Variants in CABLES1 observed in about 807,000 individuals in gnomAD.
CABLES1 encodes the protein CDK5 and ABL1 enzyme substrate 1.
A neutral mutation model predicts 57.8 loss-of-function variants in CABLES1; 36 were observed. The ratio of observed to expected loss-of-function variants is 0.62; its 90% confidence interval spans 0.48 to 0.82. The LOEUF (loss-of-function observed/expected upper bound fraction) is 0.82. Ranked by LOEUF, CABLES1 falls within the 40% of genes least tolerant of loss-of-function variation. The pLI is 0.00. For synonymous variants in CABLES1, 374 were observed against 363.0 expected, an observed-to-expected ratio of 1.03 and a Z score of -0.35; for missense variants, 767 against 836.6, an observed-to-expected ratio of 0.92 and a Z score of 1.03.
Position 23,136,485 on chromosome 18 carries a change from C to T in CABLES1, c.723C>T (p.Asn241=). ...GGAGCGGCAGTCGGGGACGCCTCAA[C>T]TCGTTCACTCAGGGAATCCTGCCCA... ...GSGSGSRGRL[N]SFTQGILPIA... is the part of the protein sequence containing the mutation. Residue 241 remains asparagine (N), a synonymous_variant, in exon 1 of 10, where the codon AAC becomes AAT. Coordinates refer to ENST00000256925, the MANE Select transcript of CABLES1 (RefSeq NM_001100619.3). The T allele has an allele frequency of 6.2e-7, 1 of 1,603,084 alleles. No individual in the cohort carries two copies. Among genetic ancestry groups the T allele is most frequent in the Non-Finnish European group, 8.5e-7 (1 of 1,177,766 alleles).
chr18:23,158,696 G>A (rs1162259245), intron 1 of CABLES1, among the ~76,000 whole-genome samples: 2 of 152,128 alleles, frequency 1.3e-5, no homozygotes, highest in East Asian at 1.9e-4. Context: ...TGAGTAGACC[G>A]CTAAGCCAAT....
At chr18:23,216,484 A>G (rs1469771698) in intron 4 of CABLES1, among the ~76,000 whole-genome samples, 1 of 152,186 alleles carries the variant, frequency 6.6e-6, no homozygotes, top group Non-Finnish European at 1.5e-5. Context: ...GGTTTCCAGC[A>G]TGGCACGTGG....
chr18:23,166,600 C>T (rs1261473602), intron 1 of CABLES1, among the ~76,000 whole-genome samples: 3 of 152,134 alleles, frequency 2.0e-5, no homozygotes, highest in East Asian at 1.9e-4. Flanking sequence ...ATTCAAATTA[C>T]GCATAAACCT....
At chr18:23,201,862 T>TG (rs2047327493) in intron 3 of CABLES1, among the ~76,000 whole-genome samples, 2 of 152,032 alleles carry the variant, frequency 1.3e-5, no homozygotes, top group Non-Finnish European at 2.9e-5. Context: ...TCTGGGGCAA[T>TG]GGGGAGACCT....
chr18:23,215,627 T>C (rs1354520889), intron 4 of CABLES1, among the ~76,000 whole-genome samples: 5 of 152,198 alleles, frequency 3.3e-5, no homozygotes, highest in Non-Finnish European at 7.3e-5. Context: ...TATTGAGTGC[T>C]TGTCATGTGA....
chr18:23,243,012 A>T (rs2047774150), intron 7 of CABLES1, among the ~76,000 whole-genome samples: 1 of 150,906 alleles, frequency 6.6e-6, no homozygotes, highest in Non-Finnish European at 1.5e-5. Context: ...ATACAGTATA[A>T]ATATATATTT....
chr18:23,139,350 C>G (rs149581389), intron 1 of CABLES1, among the ~76,000 whole-genome samples: 2,968 of 142,508 alleles, frequency 0.021, 119 homozygotes, highest in African/African-American at 0.076. Flanking sequence ...TTGCAGTGAG[C>G]CAAGATTGTG....
chr18:23,166,262 G>A (rs2047041951), intron 1 of CABLES1, among the ~76,000 whole-genome samples: 1 of 151,566 alleles, frequency 6.6e-6, no homozygotes, highest in Non-Finnish European at 1.5e-5. Context: ...AGTGCAATGG[G>A]GCAATCTTGG....
intron 1 of CABLES1, among the ~76,000 whole-genome samples, chr18:23,179,242 C>T (rs1054964351): frequency 6.6e-6 from 1 of 152,046 alleles, no homozygotes; most frequent in Non-Finnish European, 1.5e-5. Context: ...GCCGAGATCG[C>T]GCCACTGCAC....
rs2047590651 is a variant in CABLES1, at chr18:23,234,690, G to A, written c.1171G>A (p.Gly391Ser). 2.5e-6 allele frequency: 4 copies of A among 1,613,520 alleles called. No homozygotes were observed. In the East Asian group the frequency reaches 8.9e-5, roughly 36 times the overall value. The change falls in exon 5 of 10, where the codon GGT becomes AGT. Residue 391 changes from glycine (G) to serine (S), a missense_variant. Coordinates refer to ENST00000256925, the MANE Select transcript of CABLES1 (RefSeq NM_001100619.3). ...EIIGLEGVEL[G>S]ADGKTVSYTQ... ...CATTGGTCTGGAAGGTGTGGAGCTG[G>A]GTGCTGATGGGAAGGTAAGGCTGCC...
At chr18:23,217,916 T>C (rs1486604637) in intron 4 of CABLES1, among the ~76,000 whole-genome samples, 1 of 152,246 alleles carries the variant, frequency 6.6e-6, no homozygotes, top group Non-Finnish European at 1.5e-5. Flanking sequence ...GCCCCACACC[T>C]GGCAGAGTCA....
At chr18:23,223,809 T>C (rs150135210) in intron 4 of CABLES1, among the ~76,000 whole-genome samples, 33 of 152,098 alleles carry the variant, frequency 2.2e-4, no homozygotes, top group African/African-American at 6.0e-4. Flanking sequence ...ATCAGGTGCA[T>C]GTGTTAGGAA....
chr18:23,139,895 A>G (rs1353233553), intron 1 of CABLES1, among the ~76,000 whole-genome samples: 2 of 152,222 alleles, frequency 1.3e-5, no homozygotes, highest in Non-Finnish European at 2.9e-5. Context: ...TTTGTGTATT[A>G]TACAACTGTC....
intron 2 of CABLES1, among the ~76,000 whole-genome samples, chr18:23,191,808 A>G (rs373754458): frequency 6.6e-6 from 1 of 150,966 alleles, no homozygotes; most frequent in Admixed American, 6.6e-5. Context: ...TAACCTGCCA[A>G]CCTGAGCGCC....
chr18:23,156,680 T>G (rs573843991), intron 1 of CABLES1, among the ~76,000 whole-genome samples: 1 of 152,304 alleles, frequency 6.6e-6, no homozygotes, highest in Admixed American at 6.5e-5. Flanking sequence ...AATGTATACC[T>G]TGTCCTAGGT....
chr18:23,136,265 G>C lies in CABLES1; in HGVS notation c.503G>C (p.Ser168Thr), dbSNP rs1251716524. ...CCCGGGGTGGCGCGGGGGTTCGCGA[G>C]TCCCCTGGGCGCCGGCCGGGCGTCG... The part of the protein sequence containing the change: ...SGPGVARGFA[S>T]PLGAGRASGE... Residue 168 changes from serine (S) to threonine (T), a missense_variant, in exon 1 of 10, where the codon AGT becomes ACT. Ser to Thr is a moderately conservative substitution (Grantham distance 58, BLOSUM62 1). Around this residue, in one of 4 missense-constraint regions of CABLES1, gnomAD observed 529 missense variants for 622.8 expected, o/e 0.85. Transcript: ENST00000256925. 1.5e-6 allele frequency: 2 copies of C among 1,333,764 alleles called. No homozygotes were observed. Among genetic ancestry groups the C allele is most frequent in the Non-Finnish European group, 9.5e-7 (1 of 1,047,928 alleles). 82.6% of individuals were successfully genotyped at this position (1,333,764 alleles called of 1,614,324 possible). A position where few individuals can be genotyped will look rare whatever the true frequency, so the allele number is the denominator to read the frequency against.
At chr18:23,138,619 G>T (rs182331617) in intron 1 of CABLES1, among the ~76,000 whole-genome samples, 20 of 152,194 alleles carry the variant, frequency 1.3e-4, no homozygotes, top group Admixed American at 2.0e-4. Flanking sequence ...CCAACACCAC[G>T]CCGCTTGTCT....
At chr18:23,252,744 C>CCTCA (rs2048069345) in intron 7 of CABLES1, among the ~76,000 whole-genome samples, 1 of 152,162 alleles carries the variant, frequency 6.6e-6, no homozygotes, top group African/African-American at 2.4e-5. Flanking sequence ...CTAAGTGTCA[C>CCTCA]CTCATCCTAA....
intron 3 of CABLES1, among the ~76,000 whole-genome samples, chr18:23,209,878 C>T (rs1293070084): frequency 6.6e-6 from 1 of 151,884 alleles, no homozygotes; most frequent in African/African-American, 2.4e-5. Context: ...TGTCACCTTG[C>T]GGGGGGGCGG....
Sources: allele counts gnomAD v4.1 joint callset (sites outside exome capture counted in the v4.1 genomes callset), GRCh38; gene constraint gnomAD v4.1.1; regional missense constraint gnomAD v4.1.1; transcripts MANE v1.5; gene names NCBI Gene and HGNC (gene_info 2026-07-23, HGNC 2026-07-21).